GLMN: variants seen among roughly 807,000 people sequenced by gnomAD.
GLMN encodes the protein glomulin, FKBP associated protein.
A neutral mutation model predicts 87.8 loss-of-function variants in GLMN; 75 were observed. The ratio of observed to expected loss-of-function variants is 0.85; its 90% CI spans 0.71 to 1.04. The LOEUF (loss-of-function observed/expected upper bound fraction) is 1.04, where lower values mean the gene tolerates loss of function less well. Among genes scored for constraint, GLMN ranks in the 50% least tolerant of loss-of-function variants. The pLI, the probability that GLMN is intolerant of heterozygous loss-of-function variation, is 0.00. For synonymous variants in GLMN, 206 were observed against 221.6 expected (o/e 0.93, Z 0.63); for missense variants, 588 against 658.8 (o/e 0.89, Z 1.18).
the GLMN span, chr1:92,304,200 G>T: frequency 9.0e-7 from 1 of 1,116,156 alleles, no homozygotes; most frequent in Non-Finnish European, 1.3e-6. Flanking sequence ...CCAATGATAT[G>T]ATATGTAGAT....
At position 92,271,543 on chromosome 1, in the gene GLMN, A is replaced by C. The variant is rs1656236826; in HGVS notation, c.845T>G (p.Leu282Ter). ...LEFEEEENKQLADSMASLAYL... is the reference protein window; with the variant it reads ...LEFEEEENKQ Reference sequence around the variant, plus strand: ...TGCCAGAGAAGCCATTGAGTCTGCTAACTGTTTATTTTCTTCTTCTTCAAA... The same window carrying C: ...TGCCAGAGAAGCCATTGAGTCTGCTCACTGTTTATTTTCTTCTTCTTCAAA... Residue 282 changes from leucine to a stop codon, truncating the protein, a stop_gained, in exon 8 of 19, where the codon TTA becomes TGA. Coordinates refer to ENST00000370360, the MANE Select transcript of GLMN (RefSeq NM_053274.3). LOFTEE classifies it high-confidence loss of function. The C allele has an allele frequency of 9.3e-6, 15 of 1,611,802 alleles. No homozygotes were observed. The highest frequency in any genetic ancestry group is 1.3e-5 in the Non-Finnish European group (15 of 1,177,994).
the GLMN span, among the ~76,000 whole-genome samples, chr1:92,360,503 G>A: frequency 6.6e-6 from 1 of 152,190 alleles, no homozygotes; most frequent in African/African-American, 2.4e-5. Flanking sequence ...TCTCAGGATA[G>A]TGGAAGTTTG....
At chr1:92,369,399 A>G in the GLMN span, among the ~76,000 whole-genome samples, 1 of 152,268 alleles carries the variant, frequency 6.6e-6, no homozygotes, top group Non-Finnish European at 1.5e-5. Context: ...TCAAGTTTAC[A>G]AGTTGTGGGA....
At chr1:92,363,245 A>C in the GLMN span, among the ~76,000 whole-genome samples, 2 of 152,180 alleles carry the variant, frequency 1.3e-5, no homozygotes, top group Non-Finnish European at 2.9e-5. Context: ...TTTGGATAGA[A>C]ACAGACTTAA....
chr1:92,368,766 C>T, the GLMN span, among the ~76,000 whole-genome samples: 1 of 152,172 alleles, frequency 6.6e-6, no homozygotes, highest in Non-Finnish European at 1.5e-5. Flanking sequence ...CTTGTCCTAA[C>T]CTGATTTACA....
chr1:92,347,896 A>G, the GLMN span, among the ~76,000 whole-genome samples: 2 of 152,098 alleles, frequency 1.3e-5, no homozygotes, highest in South Asian at 4.1e-4. Context: ...CGCATGTTTC[A>G]TATTGGGCAA....
intron 7 of GLMN, among the ~76,000 whole-genome samples, chr1:92,271,876 G>T (rs1408070655): frequency 6.6e-6 from 1 of 152,136 alleles, no homozygotes; most frequent in Non-Finnish European, 1.5e-5. Flanking sequence ...ATGTAATTAA[G>T]GTCCCAAATC....
chr1:92,296,168 A>G (rs901833761), intron 3 of GLMN, among the ~76,000 whole-genome samples: 2 of 152,182 alleles, frequency 1.3e-5, no homozygotes, highest in African/African-American at 4.8e-5. Flanking sequence ...AGAGAAACAC[A>G]GATCAACATG....
At chr1:92,270,743 A>G (rs1225403850) in intron 8 of GLMN, among the ~76,000 whole-genome samples, 2 of 152,200 alleles carry the variant, frequency 1.3e-5, no homozygotes. Flanking sequence ...TAATTATAAT[A>G]GAAGGATTCA....
chr1:92,360,132 G>A, the GLMN span, among the ~76,000 whole-genome samples: 1 of 152,202 alleles, frequency 6.6e-6, no homozygotes, highest in Non-Finnish European at 1.5e-5. Flanking sequence ...ACTGCAGTGT[G>A]CCTCAGACAG....
At chr1:92,263,539 AT>A in intron 15 of GLMN, 83 bp downstream of exon 15, 2 of 784,850 alleles carry the variant, frequency 2.5e-6, no homozygotes, top group Non-Finnish European at 4.7e-6. Context: ...AGGAAAAGAC[AT>A]TTTATTACTT....
At chr1:92,343,404 A>C in the GLMN span, among the ~76,000 whole-genome samples, 1 of 152,220 alleles carries the variant, frequency 6.6e-6, no homozygotes, top group Non-Finnish European at 1.5e-5. Context: ...AAAATAAAAC[A>C]CTACTGAGGA....
the GLMN span, among the ~76,000 whole-genome samples, chr1:92,352,110 T>C: frequency 3.9e-5 from 6 of 152,224 alleles, no homozygotes; most frequent in Non-Finnish European, 8.8e-5. Flanking sequence ...AATGGAAAGC[T>C]TTCAAGACCA....
chr1:92,360,942 C>T, the GLMN span, among the ~76,000 whole-genome samples: 2 of 151,940 alleles, frequency 1.3e-5, no homozygotes, highest in Non-Finnish European at 2.9e-5. Context: ...AGTTGTACAG[C>T]CACTATGTTT....
Position 92,297,437 on chromosome 1 carries a change from C to T in GLMN, c.132G>A (p.Gln44=). ...TTTCATTTTGAATAATTTCTAATAG[C>T]TGGTCTGTGTGCCCTTCTTCTATGC... ...QRCIEEGHTD[Q]LLEIIQNEKN... Residue 44 remains glutamine (Q), a synonymous_variant, in exon 3 of 19, where the codon CAG becomes CAA. Coordinates refer to ENST00000370360, the MANE Select transcript of GLMN (RefSeq NM_053274.3). The T allele has an allele frequency of 6.2e-7, 1 of 1,610,826 alleles. No homozygotes were observed. Among genetic ancestry groups the T allele is most frequent in the Non-Finnish European group, 8.5e-7 (1 of 1,177,858 alleles).
chr1:92,299,097 T>C (rs1157120968), upstream of GLMN: 2 of 1,520,374 alleles, frequency 1.3e-6, no homozygotes, highest in South Asian at 1.2e-5. Context: ...CTGGGCCGTC[T>C]TCTGCCGGCC....
chr1:92,262,133 C>T (rs1196951875), intron 16 of GLMN, among the ~76,000 whole-genome samples: 10 of 151,710 alleles, frequency 6.6e-5, no homozygotes, highest in East Asian at 5.8e-4. Flanking sequence ...TCCCAAATCA[C>T]GATTTACCTA....
chr1:92,281,944 C>A (rs1045148547), intron 7 of GLMN, among the ~76,000 whole-genome samples: 2 of 152,162 alleles, frequency 1.3e-5, no homozygotes, highest in Non-Finnish European at 2.9e-5. Context: ...TATATATGCA[C>A]CCAATACAGG....
chr1:92,306,663 T>C, the GLMN span, among the ~76,000 whole-genome samples: 3 of 151,830 alleles, frequency 2.0e-5, no homozygotes, highest in Non-Finnish European at 2.9e-5. Context: ...GGGCAACAAA[T>C]AGAGACCCCA....
Sources: allele counts gnomAD v4.1 joint callset (sites outside exome capture counted in the v4.1 genomes callset), GRCh38; gene constraint gnomAD v4.1.1; transcripts MANE v1.5; gene names NCBI Gene and HGNC (gene_info 2026-07-23, HGNC 2026-07-21).